STAP1: variants seen among roughly 807,000 people sequenced by gnomAD.
STAP1 encodes signal transducing adaptor family member 1.
Under a neutral mutation model 37.8 loss-of-function variants are expected in STAP1, and 30 were observed. The observed-to-expected ratio is 0.79, with a 90% confidence interval of 0.59 to 1.08. The LOEUF (loss-of-function observed/expected upper bound fraction) is 1.08, where lower values mean the gene tolerates loss of function less well. Ranked by LOEUF, STAP1 falls within the 50% of genes least tolerant of loss-of-function variation. The pLI, the probability that STAP1 is intolerant of heterozygous loss-of-function variation, is 0.00. For synonymous variants in STAP1, 130 were observed against 116.0 expected, an observed-to-expected ratio of 1.12 and a Z score of -0.78; for missense variants, 357 against 349.4, an observed-to-expected ratio of 1.02 and a Z score of -0.17.
At chr4:67,603,465 C>T (rs1728387557) in intron 8 of STAP1, among the ~76,000 whole-genome samples, 1 of 152,176 alleles carries the variant, frequency 6.6e-6, no homozygotes, top group African/African-American at 2.4e-5. Flanking sequence ...ATGGCCACCA[C>T]AGCTAGGAAT....
At chr4:67,560,990 G>A (rs377620576) in intron 1 of STAP1, among the ~76,000 whole-genome samples, 5 of 152,304 alleles carry the variant, frequency 3.3e-5, no homozygotes, top group South Asian at 2.1e-4. Context: ...AAGAGAGCAA[G>A]AGGATGACAA....
chr4:67,562,068 C>CAAAAAAAAA (rs71219057), intron 1 of STAP1, among the ~76,000 whole-genome samples: 8 of 77,260 alleles, frequency 1.0e-4, no homozygotes, highest in South Asian at 5.1e-4. Context: ...GAGACTCTGT[C>CAAAAAAAAA]AAAAAAAAAA....
intron 8 of STAP1, among the ~76,000 whole-genome samples, chr4:67,595,372 C>CAAAAAAAA (rs34185676): frequency 1.1e-5 from 1 of 87,812 alleles, no homozygotes; most frequent in African/African-American, 4.6e-5. Context: ...TTCGTTTCTA[C>CAAAAAAAA]AAAAAAAAAA....
intron 4 of STAP1, among the ~76,000 whole-genome samples, chr4:67,579,253 G>C (rs374170958): frequency 6.6e-6 from 1 of 152,322 alleles, no homozygotes; most frequent in Middle Eastern, 3.4e-3. Context: ...AACATTTACA[G>C]TATGTTGTTA....
At chr4:67,567,369 G>C (rs200934996) in intron 1 of STAP1, among the ~76,000 whole-genome samples, 2 of 50,168 alleles carry the variant, frequency 4.0e-5, no homozygotes, top group Non-Finnish European at 1.3e-4. Flanking sequence ...GTTCTCAACT[G>C]GGGGGAGGAT....
chr4:67,604,647 G>A (rs1037720746), intron 8 of STAP1, among the ~76,000 whole-genome samples: 1 of 152,122 alleles, frequency 6.6e-6, no homozygotes, highest in Admixed American at 6.5e-5. Flanking sequence ...CTGGGGAATT[G>A]GTCAAATTCC....
intron 8 of STAP1, among the ~76,000 whole-genome samples, chr4:67,595,064 G>A (rs1728195664): frequency 6.6e-6 from 1 of 152,072 alleles, no homozygotes; most frequent in African/African-American, 2.4e-5. Context: ...GTACTTTGGT[G>A]TTATACCTGA....
chr4:67,588,432 C>T (rs1008035621), intron 6 of STAP1, among the ~76,000 whole-genome samples: 15 of 151,718 alleles, frequency 9.9e-5, no homozygotes, highest in African/African-American at 3.1e-4. Context: ...TTTTTTGAGA[C>T]GGGGCCTCGC....
At chr4:67,587,486 T>C (rs1728009996) in intron 6 of STAP1, among the ~76,000 whole-genome samples, 2 of 152,218 alleles carry the variant, frequency 1.3e-5, no homozygotes, top group African/African-American at 4.8e-5. Flanking sequence ...CAATGGTGCG[T>C]GAATTCATAA....
chr4:67,578,161 G>A (rs1727767442), intron 4 of STAP1, among the ~76,000 whole-genome samples: 1 of 152,244 alleles, frequency 6.6e-6, no homozygotes, highest in East Asian at 1.9e-4. Context: ...ACTGCTTAGA[G>A]TTAACTCTTG....
chr4:67,589,253 CA>C (rs547123456), intron 6 of STAP1, among the ~76,000 whole-genome samples: 19 of 152,150 alleles, frequency 1.2e-4, no homozygotes, highest in Non-Finnish European at 1.9e-4. Flanking sequence ...CTTCTGTGTC[CA>C]AAAATGCTTC....
chr4:67,562,918 C>G (rs115216548), intron 1 of STAP1, among the ~76,000 whole-genome samples: 5,731 of 152,120 alleles, frequency 0.038, 153 homozygotes, highest in Non-Finnish European at 0.044. Context: ...AAAATTTTCT[C>G]TCCCAATGGA....
At chr4:67,593,166 T>C in intron 7 of STAP1, 94 bp from the exon 8 acceptor site, 2 of 811,544 alleles carry the variant, frequency 2.5e-6, no homozygotes, top group Non-Finnish European at 3.9e-6. Flanking sequence ...AGTGAAGTAA[T>C]GACAGTAATC....
chr4:67,602,458 T>C (rs1577772664), intron 8 of STAP1, among the ~76,000 whole-genome samples: 1 of 152,290 alleles, frequency 6.6e-6, no homozygotes, highest in East Asian at 1.9e-4. Context: ...CTTCACAGTA[T>C]GTGTTTGTTT....
intron 4 of STAP1, among the ~76,000 whole-genome samples, chr4:67,578,912 T>G (rs1421644464): frequency 2.7e-5 from 4 of 150,872 alleles, no homozygotes; most frequent in African/African-American, 9.7e-5. Context: ...CACTGCAACC[T>G]CCACCTCCTG....
At chr4:67,577,087 T>A in intron 3 of STAP1, 116 bp from the exon 4 acceptor site, 1 of 900,502 alleles carries the variant, frequency 1.1e-6, no homozygotes, top group Non-Finnish European at 1.6e-6. Context: ...TTAGTAGTTC[T>A]AAGCCAAAAA....
intron 8 of STAP1, among the ~76,000 whole-genome samples, chr4:67,595,639 T>C (rs1728208087): frequency 6.6e-6 from 1 of 152,262 alleles, no homozygotes; most frequent in African/African-American, 2.4e-5. Flanking sequence ...TGATATATGT[T>C]CCTACCCTTT....
At chr4:67,588,036 TCTTAAAAAAAAAAAAAAAAA>T (rs1436254651) in intron 6 of STAP1, among the ~76,000 whole-genome samples, 2 of 64,892 alleles carry the variant, frequency 3.1e-5, no homozygotes, top group African/African-American at 1.0e-4. Flanking sequence ...GGACACATTT[TCTTAAAAAAAAAAAAAAAAA>T]AAAAAAAAAG....
chr4:67,583,836 C>T (rs541945611), intron 6 of STAP1, 134 bp downstream of exon 6: 36 of 1,005,022 alleles, frequency 3.6e-5, no homozygotes, highest in East Asian at 2.1e-4. Flanking sequence ...CGGTGGCTCA[C>T]GCCTGTAATC....
Sources: gnomAD v4.1 joint callset for allele counts (sites outside exome capture counted in the v4.1 genomes callset) on GRCh38, gnomAD v4.1.1 for gene constraint, MANE v1.5 for transcripts, NCBI Gene and HGNC (gene_info 2026-07-23, HGNC 2026-07-21) for gene names.